NLK: variants seen among roughly 807,000 people sequenced by gnomAD.
NLK encodes serine/threonine-protein kinase NLK.
NLK carries 11 observed loss-of-function variants against 59.0 expected under a neutral mutation model. That is an observed-to-expected ratio of 0.19 (90% CI 0.12 to 0.31). The LOEUF (loss-of-function observed/expected upper bound fraction) is 0.31, where lower values mean the gene tolerates loss of function less well. Ranked by LOEUF, NLK falls within the 10% of genes least tolerant of loss-of-function variation. The probability of loss-of-function intolerance (pLI) is 1.00; values close to 1 mark genes in which losing one functional copy is unlikely to be tolerated. For synonymous variants in NLK, 235 were observed against 235.9 expected, an observed-to-expected ratio of 1.00 and a Z score of 0.03; for missense variants, 410 against 661.1, an observed-to-expected ratio of 0.62 and a Z score of 4.16.
intron 5 of NLK, among the ~76,000 whole-genome samples, chr17:28,163,925 A>G (rs1023671770): frequency 2.6e-4 from 40 of 152,378 alleles, no homozygotes; most frequent in Admixed American, 7.8e-4. Context: ...AAAGAAGTGC[A>G]TATCAGAAGA....
intron 1 of NLK, among the ~76,000 whole-genome samples, chr17:28,058,218 C>T (rs931053068): frequency 2.0e-5 from 3 of 152,176 alleles, no homozygotes; most frequent in African/African-American, 7.2e-5. Flanking sequence ...CAGCTGATAT[C>T]AGTATCTTCA....
intron 3 of NLK, among the ~76,000 whole-genome samples, chr17:28,143,761 T>C (rs1567726629): frequency 6.6e-6 from 1 of 152,222 alleles, no homozygotes; most frequent in African/African-American, 2.4e-5. Flanking sequence ...GCCCACTATC[T>C]TTCTGAACTC....
chr17:28,110,948 C>G (rs1422097312), intron 1 of NLK, among the ~76,000 whole-genome samples: 2 of 147,116 alleles, frequency 1.4e-5, no homozygotes, highest in East Asian at 2.1e-4. Flanking sequence ...GGGTTCACGC[C>G]ATTCTCCTGC....
At chr17:28,162,980 G>A (rs948402108) in intron 4 of NLK, among the ~76,000 whole-genome samples, 2 of 152,070 alleles carry the variant, frequency 1.3e-5, no homozygotes, top group African/African-American at 4.8e-5. Flanking sequence ...CCTTGAGGCT[G>A]GGACCTTTAG....
intron 2 of NLK, among the ~76,000 whole-genome samples, chr17:28,131,778 A>T (rs548064566): frequency 1.3e-5 from 2 of 152,066 alleles, no homozygotes; most frequent in East Asian, 3.8e-4. Context: ...CACGGGTACT[A>T]TGCTGCTTTT....
chr17:28,072,051 C>T (rs1265959877), intron 1 of NLK, among the ~76,000 whole-genome samples: 1 of 152,172 alleles, frequency 6.6e-6, no homozygotes, highest in Non-Finnish European at 1.5e-5. Flanking sequence ...GATTTCATTG[C>T]TTATCTAACC....
chr17:28,166,819 A>G (rs766225684), intron 5 of NLK, among the ~76,000 whole-genome samples: 2 of 152,220 alleles, frequency 1.3e-5, no homozygotes, highest in Non-Finnish European at 2.9e-5. Flanking sequence ...CTAAGTTTGT[A>G]TAGAAGTTAA....
intron 5 of NLK, among the ~76,000 whole-genome samples, chr17:28,164,369 CAAAAAAAAAAAA>C (rs962344405): frequency 1.6e-5 from 1 of 61,412 alleles, no homozygotes; most frequent in Non-Finnish European, 3.5e-5. Context: ...GACCCTGTCT[CAAAAAAAAAAAA>C]AAAAAAAGTG....
chr17:28,160,272 A>T (rs1907950941), intron 3 of NLK, among the ~76,000 whole-genome samples: 2 of 152,200 alleles, frequency 1.3e-5, no homozygotes, highest in African/African-American at 4.8e-5. Context: ...AACAATTGAA[A>T]AACAATTTTT....
intron 1 of NLK, among the ~76,000 whole-genome samples, chr17:28,051,998 G>T (rs978533633): frequency 6.6e-6 from 1 of 152,018 alleles, no homozygotes; most frequent in Admixed American, 6.5e-5. Flanking sequence ...TTTGGGATTA[G>T]ATTTTAAATG....
At chr17:28,117,598 A>G (rs1425900165) in intron 1 of NLK, among the ~76,000 whole-genome samples, 9 of 152,328 alleles carry the variant, frequency 5.9e-5, no homozygotes, top group Non-Finnish European at 1.2e-4. Context: ...CTCCTAAGGA[A>G]TAATATTAGG....
chr17:28,051,692 C>T (rs1046596429), intron 1 of NLK, among the ~76,000 whole-genome samples: 14 of 149,822 alleles, frequency 9.3e-5, no homozygotes, highest in African/African-American at 3.5e-4. Flanking sequence ...TAATAGATTA[C>T]TAAACTAAAC....
chr17:28,179,881 T>G (rs75995566), intron 7 of NLK, among the ~76,000 whole-genome samples: 7,938 of 147,336 alleles, frequency 0.054, 236 homozygotes, highest in South Asian at 0.13. Flanking sequence ...GGTTTTTTTT[T>G]TTTTTTTTTT....
chr17:28,074,730 T>C (rs2142759940), intron 1 of NLK, among the ~76,000 whole-genome samples: 1 of 152,194 alleles, frequency 6.6e-6, no homozygotes, highest in Middle Eastern at 3.4e-3. Context: ...TGAAGATATA[T>C]AGATGGGAAA....
intron 1 of NLK, among the ~76,000 whole-genome samples, chr17:28,098,239 T>C (rs561165862): frequency 1.1e-4 from 16 of 152,212 alleles, no homozygotes; most frequent in Non-Finnish European, 1.8e-4. Flanking sequence ...TGAAATGATA[T>C]AGTTGCTCAT....
At chr17:28,080,943 G>A (rs889793451) in intron 1 of NLK, among the ~76,000 whole-genome samples, 1 of 152,012 alleles carries the variant, frequency 6.6e-6, no homozygotes, top group South Asian at 2.1e-4. Flanking sequence ...AGGCTGGAGT[G>A]CAGTGGCCCA....
the NLK span, among the ~76,000 whole-genome samples, chr17:28,203,481 G>A: frequency 6.6e-6 from 1 of 152,156 alleles, no homozygotes; most frequent in Non-Finnish European, 1.5e-5. Context: ...CTCAGTGCTA[G>A]ACCTTCCCTT....
intron 1 of NLK, among the ~76,000 whole-genome samples, chr17:28,049,832 T>C (rs1053409740): frequency 6.6e-6 from 1 of 151,986 alleles, no homozygotes; most frequent in Non-Finnish European, 1.5e-5. Flanking sequence ...AATGCAAAAT[T>C]AGCTAGGTGT....
intron 3 of NLK, among the ~76,000 whole-genome samples, chr17:28,140,022 A>G (rs368494486): frequency 5.9e-4 from 90 of 152,340 alleles, no homozygotes; most frequent in Non-Finnish European, 9.0e-4. Context: ...TCAGTTGAGC[A>G]TTGATGGATG....
Sources: gnomAD v4.1 joint callset for allele counts (sites outside exome capture counted in the v4.1 genomes callset) on GRCh38, gnomAD v4.1.1 for gene constraint, MANE v1.5 for transcripts, NCBI Gene and HGNC (gene_info 2026-07-23, HGNC 2026-07-21) for gene names.